RRM2B: variants seen among roughly 807,000 people sequenced by gnomAD.
The protein encoded by RRM2B is ribonucleoside-diphosphate reductase subunit M2 B.
A neutral mutation model predicts 45.9 loss-of-function variants in RRM2B; 20 were observed. That is an observed-to-expected ratio of 0.44 (90% CI 0.31 to 0.63). The LOEUF (loss-of-function observed/expected upper bound fraction) is 0.63. RRM2B is among the 30% of genes least tolerant of loss of function. The probability of loss-of-function intolerance (pLI) is 0.09; values close to 1 mark genes in which losing one functional copy is unlikely to be tolerated. For missense variants in RRM2B, 320 were observed against 414.7 expected, an observed-to-expected ratio of 0.77 and a Z score of 1.98; for synonymous variants, 124 against 132.3, an observed-to-expected ratio of 0.94 and a Z score of 0.43.
intron 2 of RRM2B, among the ~76,000 whole-genome samples, chr8:102,226,328 A>ATT (rs745581140): frequency 6.8e-6 from 1 of 147,684 alleles, no homozygotes; most frequent in Non-Finnish European, 1.5e-5. Flanking sequence ...CCATTTTATT[A>ATT]TATATATATA....
rs1810561974 is a variant in RRM2B at position 102,207,339 on chromosome 8, T to C, written c.*794A>G. 1 of 152,208 alleles carries C rather than the reference T, an allele frequency of 6.6e-6. No individual in the cohort carries two copies. The highest frequency in any genetic ancestry group is 2.4e-5 in the African/African-American group (1 of 41,460). 9.4% of individuals were successfully genotyped at this position (152,208 alleles called of 1,614,324 possible). A position where few individuals can be genotyped will look rare whatever the true frequency, so the allele number is the denominator to read the frequency against. On this transcript the variant is annotated 3_prime_UTR_variant, in exon 9 of 9. Transcript: ENST00000251810. Reference sequence around the variant, plus strand: ...TGCTATTCTAGCCTGATTCTAAACATTCCAGAGCTAAATCTGGCAATAGTT... The same window carrying C: ...TGCTATTCTAGCCTGATTCTAAACACTCCAGAGCTAAATCTGGCAATAGTT...
chr8:102,226,089 T>A, intron 2 of RRM2B, 55 bp from the exon 3 acceptor site: 5 of 1,069,780 alleles, frequency 4.7e-6, no homozygotes, highest in African/African-American at 1.5e-5. Flanking sequence ...CTTCTCAAAG[T>A]GTTTGGGAAA....
chr8:102,216,671 T>C (rs944529761), intron 6 of RRM2B, among the ~76,000 whole-genome samples: 1 of 152,024 alleles, frequency 6.6e-6, no homozygotes, highest in African/African-American at 2.4e-5. Flanking sequence ...AACAAAAATG[T>C]TAATATTGCA....
rs540900438 is a variant in RRM2B, at chr8:102,234,145, T to C, written c.49-1841A>G. On this transcript the variant is annotated intron_variant, in intron 1 of 8. Coordinates refer to ENST00000251810, the MANE Select transcript of RRM2B (RefSeq NM_015713.5). ...TTGTTACTGGAAGTTGGGAAGGACA[T>C]CACAAGCAGTCACTCTTCAGCACCA... Among the ~76,000 whole-genome samples the C allele has an allele frequency of 2.6e-4, 40 of 152,328 alleles. No homozygotes were observed. The South Asian group carries it at 7.5e-3, about 28-fold the overall frequency.
At position 102,207,155 on chromosome 8, in the gene RRM2B, T is replaced by C. The variant is rs29000287; in HGVS notation, c.*978A>G. 2 of 152,222 alleles carry C rather than the reference T, an allele frequency of 1.3e-5. No homozygotes were observed. Among genetic ancestry groups the C allele is most frequent in the African/African-American group, 4.8e-5 (2 of 41,454 alleles). 9.4% of individuals were successfully genotyped at this position (152,222 alleles called of 1,614,324 possible). On this transcript the variant is annotated 3_prime_UTR_variant, in exon 9 of 9. Transcript: ENST00000251810. ...GAATATGCAGGGCGAGATAAATTTA[T>C]GTACCACTGAACTGCTCAGTCTTTG... is the stretch of plus-strand genomic sequence containing the variant.
In RRM2B at chr8:102,208,184, T is replaced by C; in HGVS notation, c.1005A>G (p.Ala335=). ...CGTTATCTGTGGTTTCTGCCATAAC[T>C]GCAAAACGCTGATACTCTGAAACTC... ...EKRVSEYQRF[A]VMAETTDNVF... is the part of the protein sequence containing the mutation. The change falls in exon 9 of 9, where the codon GCA becomes GCG. Residue 335 remains alanine (A), a synonymous_variant. Transcript: ENST00000251810. 2.5e-6 allele frequency: 4 copies of C among 1,613,526 alleles called. No individual in the cohort carries two copies. The highest frequency in any genetic ancestry group is 3.4e-6 in the Non-Finnish European group (4 of 1,179,504).
intron 1 of RRM2B, 101 bp downstream of exon 1, chr8:102,238,726 C>G (rs749616245): frequency 6.3e-7 from 1 of 1,591,804 alleles, no homozygotes; most frequent in Non-Finnish European, 8.5e-7. Context: ...CAGGCCTGTC[C>G]TGACCGCGGC....
intron 1 of RRM2B, 197 bp downstream of exon 1, chr8:102,238,630 A>G (rs1811169414): frequency 6.5e-7 from 1 of 1,532,600 alleles, no homozygotes; most frequent in Non-Finnish European, 8.7e-7. Context: ...CGCAAACCCA[A>G]AGTCAGCTCC....
chr8:102,224,992 C>T lies in RRM2B; in HGVS notation c.348G>A (p.Gln116=). 3 of 1,614,082 alleles carry T rather than the reference C, an allele frequency of 1.9e-6. No homozygotes were observed. Among genetic ancestry groups the T allele is most frequent in the Non-Finnish European group, 2.5e-6 (3 of 1,180,002 alleles). The change falls in exon 4 of 9, where the codon CAG becomes CAA. Residue 116 remains glutamine, a synonymous_variant. Coordinates refer to ENST00000251810, the MANE Select transcript of RRM2B (RefSeq NM_015713.5). ...NLVERFSQEV[Q]VPEARCFYGF... ...CATAGAAACAGCGAGCCTCTGGAAC[C>T]TGCACCTCCTGACTAAAGCGCTCCA...
chr8:102,233,664 A>G (rs936025439), intron 1 of RRM2B, among the ~76,000 whole-genome samples: 1 of 152,240 alleles, frequency 6.6e-6, no homozygotes, highest in African/African-American at 2.4e-5. Flanking sequence ...GGTTCCAGAT[A>G]TAAGTACATA....
chr8:102,222,196 C>T (rs1192626385), intron 5 of RRM2B, among the ~76,000 whole-genome samples: 1 of 151,976 alleles, frequency 6.6e-6, no homozygotes, highest in African/African-American at 2.4e-5. Context: ...CTCTCTCAGC[C>T]TCCCAAGTAG....
intron 2 of RRM2B, among the ~76,000 whole-genome samples, chr8:102,229,787 G>A (rs1453253950): frequency 6.6e-6 from 1 of 152,064 alleles, no homozygotes; most frequent in South Asian, 2.1e-4. Context: ...GTTTTACCAT[G>A]TTGTCCAGGT....
chr8:102,231,394 G>C (rs980189654), intron 2 of RRM2B, among the ~76,000 whole-genome samples: 6 of 152,164 alleles, frequency 3.9e-5, no homozygotes, highest in African/African-American at 1.4e-4. Context: ...CAGCCTAGAG[G>C]ATCAAACTCT....
intron 2 of RRM2B, among the ~76,000 whole-genome samples, chr8:102,227,684 A>G (rs1028156060): frequency 1.3e-5 from 2 of 152,192 alleles, no homozygotes; most frequent in African/African-American, 4.8e-5. Flanking sequence ...CTTAAACAGC[A>G]TACTTTTATT....
At chr8:102,213,185 G>GA (rs112089577) in intron 7 of RRM2B, among the ~76,000 whole-genome samples, 2 of 150,752 alleles carry the variant, frequency 1.3e-5, no homozygotes, top group African/African-American at 4.9e-5. Flanking sequence ...TTTCTCAATA[G>GA]AAAAAAAAGA....
At chr8:102,238,671 C>G (rs773501860) in intron 1 of RRM2B, 156 bp downstream of exon 1, 4 of 1,540,600 alleles carry the variant, frequency 2.6e-6, no homozygotes, top group Non-Finnish European at 3.5e-6. Flanking sequence ...ACGGCCTCCC[C>G]GGCGCTCGCA....
At chr8:102,226,094 G>C in intron 2 of RRM2B, 60 bp from the exon 3 acceptor site, 1 of 1,004,718 alleles carries the variant, frequency 1.0e-6, no homozygotes, top group South Asian at 1.3e-5. Context: ...CAAAGTGTTT[G>C]GGAAACTAAC....
chr8:102,238,763 C>T lies in RRM2B; in HGVS notation c.48+64G>A, dbSNP rs28999669. On this transcript the variant is annotated intron_variant, in intron 1 of 8. Transcript: ENST00000251810. ...AATAACATTTCCTACAGCGGTCCTG[C>T]AACTTGCAATCTAACGGGCTGGCGT... is the stretch of plus-strand genomic sequence containing the variant. 0.13 allele frequency: 207,181 copies of T among 1,612,388 alleles called. 15,045 individuals carry two copies. Among genetic ancestry groups the T allele is most frequent in the Non-Finnish European group, 0.15 (177,400 of 1,179,522 alleles).
At chr8:102,231,306 C>T (rs900149761) in intron 2 of RRM2B, among the ~76,000 whole-genome samples, 2 of 152,180 alleles carry the variant, frequency 1.3e-5, no homozygotes, top group African/African-American at 4.8e-5. Context: ...AACTCTGTCA[C>T]GTTTGATGTA....
Sources: gnomAD v4.1 joint callset for allele counts (sites outside exome capture counted in the v4.1 genomes callset) on GRCh38, gnomAD v4.1.1 for gene constraint, MANE v1.5 for transcripts, NCBI Gene and HGNC (gene_info 2026-07-23, HGNC 2026-07-21) for gene names.